Variants in SPOCK3 observed in about 807,000 individuals in gnomAD.
The protein encoded by SPOCK3 is testican-3.
In SPOCK3, 30 loss-of-function variants were observed where a neutral mutation model predicts 56.6. The observed-to-expected ratio is 0.53, with a 90% confidence interval of 0.40 to 0.72. The LOEUF is 0.72. SPOCK3 is among the 30% of genes least tolerant of loss of function. The pLI is 0.00. For synonymous variants in SPOCK3, 196 were observed against 183.3 expected (o/e 1.07, Z -0.56); for missense variants, 527 against 530.0 (o/e 0.99, Z 0.06).
chr4:167,126,174 A>G (rs17052975), intron 2 of SPOCK3, among the ~76,000 whole-genome samples: 17,105 of 152,232 alleles, frequency 0.11, 1,099 homozygotes, highest in Admixed American at 0.18. Context: ...CTAACCCTAC[A>G]TCAAGCACAA....
At chr4:166,766,623 C>T (rs1296419576) in intron 7 of SPOCK3, among the ~76,000 whole-genome samples, 2 of 152,170 alleles carry the variant, frequency 1.3e-5, no homozygotes, top group Admixed American at 1.3e-4. Context: ...CATCAATGTT[C>T]ATCAGCGATA....
At chr4:167,072,115 T>C (rs1241554655) in intron 2 of SPOCK3, among the ~76,000 whole-genome samples, 1 of 152,008 alleles carries the variant, frequency 6.6e-6, no homozygotes, top group Non-Finnish European at 1.5e-5. Flanking sequence ...ATTCTATCAC[T>C]CCCATTGTAC....
chr4:166,852,780 AG>A (rs1213538147), intron 6 of SPOCK3, among the ~76,000 whole-genome samples: 2 of 152,226 alleles, frequency 1.3e-5, no homozygotes, highest in Admixed American at 6.5e-5. Flanking sequence ...AAGTTAGCAG[AG>A]GTTTTAAAGG....
intron 3 of SPOCK3, among the ~76,000 whole-genome samples, chr4:167,054,926 A>G (rs1349117096): frequency 2.0e-5 from 3 of 152,310 alleles, no homozygotes; most frequent in South Asian, 2.1e-4. Flanking sequence ...ATATATAGAA[A>G]GGAGTTTTGT....
At chr4:166,879,738 T>A (rs938986518) in intron 6 of SPOCK3, among the ~76,000 whole-genome samples, 5 of 152,292 alleles carry the variant, frequency 3.3e-5, no homozygotes, top group Middle Eastern at 3.4e-3. Context: ...CTGATATGGT[T>A]TGGATCTGTG....
chr4:167,097,766 T>A (rs966141317), intron 2 of SPOCK3, among the ~76,000 whole-genome samples: 1 of 151,886 alleles, frequency 6.6e-6, no homozygotes, highest in Non-Finnish European at 1.5e-5. Context: ...ACAACACTAT[T>A]CACAATAGTA....
chr4:167,077,511 CA>C (rs2150281792), intron 2 of SPOCK3, among the ~76,000 whole-genome samples: 1 of 151,950 alleles, frequency 6.6e-6, no homozygotes, highest in African/African-American at 2.4e-5. Flanking sequence ...TACAGAAAGA[CA>C]ATCTCTATAT....
rs112005653 is a variant in SPOCK3 at position 166,901,793 on chromosome 4, G to C, written c.474+10827C>G. On this transcript the variant is annotated intron_variant, in intron 5 of 10. Transcript: ENST00000357545. ...GAGGTTGGTTCTGAGACTCTGGAGT[G>C]GGGGGTCGGAGACACTGCTGAGATA... 1.9e-3 allele frequency among the ~76,000 whole-genome samples: 286 copies of C among 152,228 alleles called. 5 individuals are homozygous for C. In the East Asian group the frequency reaches 0.035, roughly 19 times the overall value.
At chr4:167,150,595 G>A (rs931031103) in intron 2 of SPOCK3, among the ~76,000 whole-genome samples, 7 of 152,072 alleles carry the variant, frequency 4.6e-5, no homozygotes, top group Non-Finnish European at 8.8e-5. Context: ...AATATAGTAG[G>A]AAAATAGAAA....
At chr4:167,053,924 G>T (rs984286753) in intron 3 of SPOCK3, among the ~76,000 whole-genome samples, 1 of 151,862 alleles carries the variant, frequency 6.6e-6, no homozygotes, top group African/African-American at 2.4e-5. Context: ...AAATGAAACG[G>T]GTTCGTTCTT....
chr4:166,931,938 C>T (rs574232332), intron 4 of SPOCK3, among the ~76,000 whole-genome samples: 9 of 152,282 alleles, frequency 5.9e-5, no homozygotes, highest in South Asian at 2.1e-4. Context: ...CTCTTCCTTT[C>T]GTGACACTTC....
intron 5 of SPOCK3, among the ~76,000 whole-genome samples, chr4:166,891,937 C>A (rs1183819628): frequency 6.6e-6 from 1 of 151,696 alleles, no homozygotes; most frequent in Admixed American, 6.6e-5. Flanking sequence ...TGTGTTATAC[C>A]ACACTCATTT....
chr4:167,200,732 GAA>G (rs1733434322), intron 2 of SPOCK3, among the ~76,000 whole-genome samples: 1 of 152,008 alleles, frequency 6.6e-6, no homozygotes, highest in Non-Finnish European at 1.5e-5. Flanking sequence ...TGGAAGTTGA[GAA>G]AACAAGTTGG....
intron 7 of SPOCK3, among the ~76,000 whole-genome samples, chr4:166,755,831 G>A (rs1453528515): frequency 1.3e-5 from 2 of 151,732 alleles, no homozygotes; most frequent in Non-Finnish European, 2.9e-5. Context: ...GTTATACTTT[G>A]AATTATAAAA....
At chr4:167,199,254 T>TGTGTGTGTGTATTTAGTAGATGTA (rs1228644818) in intron 2 of SPOCK3, among the ~76,000 whole-genome samples, 4 of 151,692 alleles carry the variant, frequency 2.6e-5, no homozygotes, top group Non-Finnish European at 5.9e-5. Context: ...TGTGTGTGTG[T>TGTGTGTGTGTATTTAGTAGATGTA]GTGTGTGTAT....
intron 2 of SPOCK3, among the ~76,000 whole-genome samples, chr4:167,087,240 T>C (rs1206627948): frequency 6.6e-6 from 1 of 152,078 alleles, no homozygotes; most frequent in African/African-American, 2.4e-5. Flanking sequence ...AACTGAAACA[T>C]AGCTGTTCCA....
chr4:166,835,156 T>C (rs1234727258), intron 6 of SPOCK3, among the ~76,000 whole-genome samples: 1 of 152,112 alleles, frequency 6.6e-6, no homozygotes, highest in African/African-American at 2.4e-5. Context: ...CATCACAGAA[T>C]AGTAAAGGTT....
chr4:167,125,191 TTTTATTTATTTA>T (rs59279364), intron 2 of SPOCK3, among the ~76,000 whole-genome samples: 55 of 142,528 alleles, frequency 3.9e-4, no homozygotes, highest in African/African-American at 1.0e-3. Context: ...CACAGAGATT[TTTTATTTATTTA>T]TTTATTTATT....
chr4:167,053,116 G>A (rs964313170), intron 3 of SPOCK3, among the ~76,000 whole-genome samples: 10 of 152,132 alleles, frequency 6.6e-5, no homozygotes, highest in African/African-American at 2.4e-4. Flanking sequence ...TGGAAAAAAT[G>A]ATGGGAGTCA....
Sources: allele counts gnomAD v4.1 joint callset (sites outside exome capture counted in the v4.1 genomes callset), GRCh38; gene constraint gnomAD v4.1.1; transcripts MANE v1.5; gene names NCBI Gene and HGNC (gene_info 2026-07-23, HGNC 2026-07-21).